SLC26A5: variants seen among roughly 807,000 people sequenced by gnomAD.
The protein encoded by SLC26A5 is prestin.
In SLC26A5, 51 loss-of-function variants were observed where a neutral mutation model predicts 81.0. The observed-to-expected ratio is 0.63, with a 90% CI of 0.50 to 0.80. SLC26A5 has a LOEUF of 0.80. Ranked by LOEUF, SLC26A5 falls within the 30% of genes least tolerant of loss-of-function variation. The pLI is 0.00. For synonymous variants in SLC26A5, 325 were observed against 332.8 expected (o/e 0.98, Z 0.25); for missense variants, 771 against 905.8 (o/e 0.85, Z 1.91).
At chr7:103,386,047 C>G (rs1272943144) in intron 14 of SLC26A5, among the ~76,000 whole-genome samples, 1 of 151,882 alleles carries the variant, frequency 6.6e-6, no homozygotes, top group African/African-American at 2.4e-5. Context: ...CCTGCCTCAG[C>G]CTCCTCAGTA....
chr7:103,432,917 G>C lies in SLC26A5; in HGVS notation c.-54+10166C>G, dbSNP rs1343863638. 2.0e-5 allele frequency among the ~76,000 whole-genome samples: 3 copies of C among 152,216 alleles called. No homozygotes were observed. In the East Asian group the frequency reaches 5.8e-4, roughly 29 times the overall value. On this transcript the variant is annotated intron_variant, in intron 2 of 19. Transcript: ENST00000306312. Reference sequence around the variant, plus strand: ...TGTTGGTGTTTGTTTAATATGGTTTGAGGCTTCTGAACCACAGAGGAAGTA... The same window carrying C: ...TGTTGGTGTTTGTTTAATATGGTTTCAGGCTTCTGAACCACAGAGGAAGTA...
downstream of SLC26A5, among the ~76,000 whole-genome samples, chr7:103,371,454 A>G (rs1821032344): frequency 6.7e-6 from 1 of 149,788 alleles, no homozygotes; most frequent in Admixed American, 6.7e-5. Context: ...CCTCCCGAGT[A>G]GCTGGGACTA....
chr7:103,363,120 C>A (rs1820509425), intron 19 of SLC26A5, among the ~76,000 whole-genome samples: 1 of 152,116 alleles, frequency 6.6e-6, no homozygotes, highest in Non-Finnish European at 1.5e-5. Context: ...TTTTTTGAGA[C>A]AGAGTCTCAG....
At chr7:103,445,952 G>A (rs1313010140) in intron 1 of SLC26A5, 146 bp downstream of exon 1, 1 of 150,540 alleles carries the variant, frequency 6.6e-6, no homozygotes, top group East Asian at 1.9e-4. Context: ...GGTTCGTTTA[G>A]GGAAAAAGCG....
intron 2 of SLC26A5, among the ~76,000 whole-genome samples, chr7:103,439,280 TG>T (rs1178258799): frequency 1.3e-5 from 2 of 152,086 alleles, no homozygotes; most frequent in Admixed American, 6.5e-5. Context: ...AAAGGAAAAC[TG>T]GGGGGACTAT....
At chr7:103,391,499 C>G in intron 11 of SLC26A5, 123 bp downstream of exon 11, 1 of 773,962 alleles carries the variant, frequency 1.3e-6, no homozygotes. Flanking sequence ...ATTCCCTACA[C>G]AGCTCACTGG....
chr7:103,355,798 G>A, intron 19 of SLC26A5: 1 of 1,601,652 alleles, frequency 6.2e-7, no homozygotes, highest in Non-Finnish European at 8.5e-7. Flanking sequence ...TGCCAGGTAT[G>A]CACGGGTGCT....
At chr7:103,434,039 C>T (rs1826274105) in intron 2 of SLC26A5, among the ~76,000 whole-genome samples, 3 of 152,084 alleles carry the variant, frequency 2.0e-5, no homozygotes, top group Admixed American at 1.3e-4. Flanking sequence ...CATCTGTCAA[C>T]CTACAGTTTA....
intron 19 of SLC26A5, among the ~76,000 whole-genome samples, chr7:103,361,128 G>GA (rs367989398): frequency 1.7e-4 from 24 of 144,632 alleles, no homozygotes; most frequent in African/African-American, 4.8e-4. Context: ...AAAAGAAAAA[G>GA]AAAAAAAAAC....
At chr7:103,392,832 C>A in intron 10 of SLC26A5, 87 bp downstream of exon 10, 1 of 1,552,702 alleles carries the variant, frequency 6.4e-7, no homozygotes, top group South Asian at 1.1e-5. Context: ...CTGCCTTGGC[C>A]TCCCGAAGTG....
intron 9 of SLC26A5, among the ~76,000 whole-genome samples, chr7:103,397,278 A>C (rs1009593349): frequency 6.6e-6 from 1 of 151,896 alleles, no homozygotes. Flanking sequence ...GTGGTGGCTC[A>C]TGCCTGTAAT....
At chr7:103,433,368 A>C (rs1826216174) in intron 2 of SLC26A5, 1 of 151,922 alleles carries the variant, frequency 6.6e-6, no homozygotes, top group African/African-American at 2.4e-5. Flanking sequence ...TTTATCCTTC[A>C]TTTTTGTGTG....
chr7:103,408,043 C>T (rs1363032424), intron 7 of SLC26A5, 40 bp from the exon 8 acceptor site: 24 of 1,613,106 alleles, frequency 1.5e-5, no homozygotes, highest in Non-Finnish European at 1.9e-5. Context: ...ATCAAGAAAT[C>T]GCCCCTGAGA....
intron 19 of SLC26A5, among the ~76,000 whole-genome samples, chr7:103,360,338 C>T (rs891066240): frequency 2.6e-5 from 4 of 152,018 alleles, no homozygotes; most frequent in Admixed American, 6.6e-5. Context: ...CTTGTTTTTC[C>T]TTTCAGGTTT....
At chr7:103,395,858 T>C (rs1388722710) in intron 9 of SLC26A5, among the ~76,000 whole-genome samples, 1 of 152,000 alleles carries the variant, frequency 6.6e-6, no homozygotes, top group Non-Finnish European at 1.5e-5. Flanking sequence ...ATAATATAGA[T>C]GAAGCAAAGA....
At position 103,421,549 on chromosome 7, in the gene SLC26A5, A is replaced by G; in HGVS notation, c.-35T>C. ...AAATTATTCCTTAACAGCCGGAGAC[A>G]AGCATTTCCTGAGTGTCACTAGGGG... On this transcript the variant is annotated 5_prime_UTR_variant, in exon 3 of 20. Transcript: ENST00000306312. 6.2e-7 allele frequency: 1 copy of G among 1,611,416 alleles called. No homozygotes were observed. Among genetic ancestry groups the G allele is most frequent in the African/African-American group, 1.3e-5 (1 of 74,998 alleles).
At chr7:103,374,735 T>TG in intron 19 of SLC26A5, 143 bp from the exon 20 acceptor site, 1 of 787,542 alleles carries the variant, frequency 1.3e-6, no homozygotes. Flanking sequence ...AGTCTCACTC[T>TG]GTCACCCAGG....
At chr7:103,371,765 G>A (rs1168615261), downstream of SLC26A5, among the ~76,000 whole-genome samples, 12 of 147,844 alleles carry the variant, frequency 8.1e-5, no homozygotes, top group East Asian at 2.0e-4. Context: ...GCGTGGTCTC[G>A]GCTCACTGCA....
At chr7:103,361,938 A>G (rs1460535102) in intron 19 of SLC26A5, 1 of 1,592,328 alleles carries the variant, frequency 6.3e-7, no homozygotes, top group Non-Finnish European at 8.5e-7. Context: ...TATTCTAATC[A>G]AGCTTTTTGC....
Sources: gnomAD v4.1 joint callset for allele counts (sites outside exome capture counted in the v4.1 genomes callset) on GRCh38, gnomAD v4.1.1 for gene constraint, MANE v1.5 for transcripts, NCBI Gene and HGNC (gene_info 2026-07-23, HGNC 2026-07-21) for gene names.